SCAF8: variants seen among roughly 807,000 people sequenced by gnomAD.
The protein encoded by SCAF8 is SR-related and CTD-associated factor 8.
SCAF8 carries 23 observed loss-of-function variants against 140.5 expected under a neutral mutation model. The observed-to-expected ratio is 0.16, with a 90% CI of 0.12 to 0.23. The LOEUF (loss-of-function observed/expected upper bound fraction) is 0.23, where lower values mean the gene tolerates loss of function less well. Ranked by LOEUF, SCAF8 falls within the 10% of genes least tolerant of loss-of-function variation. SCAF8 has a pLI of 1.00. For missense variants in SCAF8, 1,397 were observed against 1,555.7 expected (o/e 0.90, Z 1.72); for synonymous variants, 575 against 528.9 (o/e 1.09, Z -1.20).
intron 5 of SCAF8, among the ~76,000 whole-genome samples, chr6:154,794,759 TGGGGG>T (rs1176203256): frequency 3.0e-4 from 3 of 9,878 alleles, no homozygotes; most frequent in African/African-American, 8.4e-4. Flanking sequence ...ATCCTTTTGG[TGGGGG>T]GGGGGGGGTG....
Position 154,784,149 on chromosome 6 carries a change from ATATATATATT to A in SCAF8, c.160-3708_160-3699del, listed in dbSNP as rs1274465503. Among the ~76,000 whole-genome samples the A allele has an allele frequency of 1.4e-3, 144 of 100,712 alleles. 1 individual carries two copies. The highest frequency in any genetic ancestry group is 0.012 in the South Asian group (35 of 2,868). 66.1% of individuals were successfully genotyped at this position (100,712 alleles called of 152,430 possible). ...TATATATATATATATATATATATAT[ATATATATATT>A]TATTTATTTATTTTTCATGTAGGGT... On this transcript the variant is annotated intron_variant, in intron 3 of 19. Transcript: ENST00000367178.
chr6:154,763,714 T>A (rs1357015277), intron 1 of SCAF8, among the ~76,000 whole-genome samples: 2 of 151,974 alleles, frequency 1.3e-5, no homozygotes, highest in East Asian at 1.9e-4. Context: ...AAATATGCTC[T>A]CCAGGGGTGT....
intron 13 of SCAF8, among the ~76,000 whole-genome samples, chr6:154,817,191 G>A (rs1468450132): frequency 6.6e-6 from 1 of 152,144 alleles, no homozygotes; most frequent in African/African-American, 2.4e-5. Context: ...AATTAGGGAT[G>A]CCCATGCTCG....
At chr6:154,796,354 T>TCCCC (rs71652900) in intron 6 of SCAF8, among the ~76,000 whole-genome samples, 1 of 105,868 alleles carries the variant, frequency 9.4e-6, no homozygotes, top group African/African-American at 3.7e-5. Context: ...GCAATCCTGT[T>TCCCC]CTCTCTCTCT....
chr6:154,764,358 G>T (rs1404522842), intron 1 of SCAF8, among the ~76,000 whole-genome samples: 1 of 151,898 alleles, frequency 6.6e-6, no homozygotes, highest in African/African-American at 2.4e-5. Context: ...GTGGCCAAAG[G>T]AAAGGACAGG....
At chr6:154,790,504 T>C (rs991075209) in intron 4 of SCAF8, among the ~76,000 whole-genome samples, 59 of 75,666 alleles carry the variant, frequency 7.8e-4, no homozygotes, top group African/African-American at 4.1e-3. Context: ...TTTTTTTTTT[T>C]TTTTTTTTTT....
Position 154,824,228 on chromosome 6 carries a change from C to T in SCAF8, c.1927-6C>T. ...ATGAGTGAACTTTTTTGTCTATCCA[C>T]AAAAGATTCCAGTGGCGCCAGCCGT... is the stretch of plus-strand genomic sequence containing the variant. On this transcript the variant is annotated splice_polypyrimidine_tract_variant and splice_region_variant and intron_variant, in intron 16 of 19. Transcript: ENST00000367178. 6.2e-7 allele frequency: 1 copy of T among 1,613,108 alleles called. No homozygotes were observed. The highest frequency in any genetic ancestry group is 8.5e-7 in the Non-Finnish European group (1 of 1,179,538).
At chr6:154,827,843 G>GT (rs1157895989) in intron 18 of SCAF8, among the ~76,000 whole-genome samples, 2 of 150,020 alleles carry the variant, frequency 1.3e-5, no homozygotes, top group Non-Finnish European at 3.0e-5. Context: ...GCGGGGGGGG[G>GT]GGCGGTGTAA....
At chr6:154,798,723 C>T (rs750434253) in intron 6 of SCAF8, among the ~76,000 whole-genome samples, 3 of 151,450 alleles carry the variant, frequency 2.0e-5, no homozygotes, top group Non-Finnish European at 3.0e-5. Context: ...CCTTTAAATA[C>T]CTGAGAGTTC....
chr6:154,814,732 G>A (rs1401579672), intron 12 of SCAF8, among the ~76,000 whole-genome samples: 1 of 152,182 alleles, frequency 6.6e-6, no homozygotes, highest in African/African-American at 2.4e-5. Context: ...TTAAATAAAT[G>A]TCTTCTGTAA....
At chr6:154,766,967 C>T (rs1446257531) in intron 1 of SCAF8, among the ~76,000 whole-genome samples, 1 of 152,044 alleles carries the variant, frequency 6.6e-6, no homozygotes, top group African/African-American at 2.4e-5. Flanking sequence ...GATCTAGAGG[C>T]TGAATTAAGA....
chr6:154,825,958 T>A (rs1214501906), intron 17 of SCAF8, among the ~76,000 whole-genome samples: 4 of 152,168 alleles, frequency 2.6e-5, no homozygotes, highest in Non-Finnish European at 5.9e-5. Flanking sequence ...TATATAGTTT[T>A]TCCAAATTAA....
At chr6:154,828,668 A>G (rs1263073691) in intron 18 of SCAF8, among the ~76,000 whole-genome samples, 1 of 152,102 alleles carries the variant, frequency 6.6e-6, no homozygotes, top group Non-Finnish European at 1.5e-5. Context: ...CAATCTGAGA[A>G]TCAGCCATTT....
At chr6:154,794,768 G>T (rs1215116946) in intron 5 of SCAF8, among the ~76,000 whole-genome samples, 1 of 80,122 alleles carries the variant, frequency 1.2e-5, no homozygotes, top group African/African-American at 6.3e-5. Flanking sequence ...GTGGGGGGGG[G>T]GGGGTGTGGG....
chr6:154,807,324 A>G (rs998207466), intron 9 of SCAF8, among the ~76,000 whole-genome samples: 1 of 152,260 alleles, frequency 6.6e-6, no homozygotes, highest in Admixed American at 6.5e-5. Flanking sequence ...TTTGAAAGGA[A>G]TAGAAGTTCT....
At chr6:154,805,546 AT>A in intron 9 of SCAF8, 60 bp downstream of exon 9, 1 of 909,780 alleles carries the variant, frequency 1.1e-6, no homozygotes, top group Non-Finnish European at 1.6e-6. Context: ...ATAAATTGGC[AT>A]TTTTGTGGGT....
At chr6:154,776,655 T>C (rs1027294717) in intron 2 of SCAF8, among the ~76,000 whole-genome samples, 1 of 152,244 alleles carries the variant, frequency 6.6e-6, no homozygotes, top group African/African-American at 2.4e-5. Context: ...ATAACTTTAG[T>C]TGTTTTGGCT....
At chr6:154,770,374 A>ACG (rs1776703424) in intron 1 of SCAF8, among the ~76,000 whole-genome samples, 5 of 138,882 alleles carry the variant, frequency 3.6e-5, no homozygotes, top group African/African-American at 1.2e-4. Context: ...TGAGGTACAC[A>ACG]CACACACACA....
intron 18 of SCAF8, 132 bp downstream of exon 18, chr6:154,827,372 T>G: frequency 1.6e-6 from 1 of 635,688 alleles, no homozygotes. Flanking sequence ...TTAGATAATT[T>G]CTAAAATACG....
Sources: gnomAD v4.1 joint callset for allele counts (sites outside exome capture counted in the v4.1 genomes callset) on GRCh38, gnomAD v4.1.1 for gene constraint, MANE v1.5 for transcripts, NCBI Gene and HGNC (gene_info 2026-07-23, HGNC 2026-07-21) for gene names.